The following ADAM18 variants were observed in gnomAD, a reference collection of about 807,000 sequenced individuals.
ADAM18 encodes the protein disintegrin and metalloproteinase domain-containing protein 18.
ADAM18 carries 117 observed loss-of-function variants against 94.4 expected under a neutral mutation model. The observed-to-expected ratio is 1.24, with a 90% CI of 1.07 to 1.45. ADAM18 has a LOEUF of 1.45. Ranked by LOEUF, ADAM18 falls within the 40% of genes most tolerant of loss-of-function variation. The pLI, the probability that ADAM18 is intolerant of heterozygous loss-of-function variation, is 0.00. For synonymous variants in ADAM18, 327 were observed against 291.6 expected (o/e 1.12, Z -1.24); for missense variants, 936 against 880.0 (o/e 1.06, Z -0.81).
At chr8:39,721,513 A>G (rs1242978468) in intron 18 of ADAM18, among the ~76,000 whole-genome samples, 2 of 151,624 alleles carry the variant, frequency 1.3e-5, no homozygotes, top group African/African-American at 4.8e-5. Context: ...CAAACTATAT[A>G]TCAACAAAGT....
chr8:39,595,820 G>T (rs1219946237), intron 2 of ADAM18, among the ~76,000 whole-genome samples: 1 of 152,248 alleles, frequency 6.6e-6, no homozygotes, highest in African/African-American at 2.4e-5. Context: ...CACCATGCCC[G>T]GCCTGAACTA....
chr8:39,659,728 T>C (rs1820784307), intron 12 of ADAM18, among the ~76,000 whole-genome samples: 1 of 152,022 alleles, frequency 6.6e-6, no homozygotes, highest in Non-Finnish European at 1.5e-5. Flanking sequence ...CTAAAAAGCA[T>C]ATCTAATAGC....
intron 10 of ADAM18, among the ~76,000 whole-genome samples, chr8:39,639,879 C>T (rs1297780089): frequency 3.9e-5 from 6 of 151,938 alleles, no homozygotes; most frequent in Non-Finnish European, 8.8e-5. Context: ...GGAGAATTTT[C>T]AGTCTGGTTT....
chr8:39,728,895 T>A (rs1390703087), intron 19 of ADAM18, among the ~76,000 whole-genome samples: 1 of 152,162 alleles, frequency 6.6e-6, no homozygotes, highest in African/African-American at 2.4e-5. Flanking sequence ...GGCAAAAAAA[T>A]TGAAATTAGG....
rs115495443 is a variant in ADAM18, at chr8:39,605,249, G to A, written c.133-1058G>A. On this transcript the variant is annotated intron_variant, in intron 2 of 19. Transcript: ENST00000265707. ...TGGAAGAGAAATGGTGGGTTTAGTA[G>A]GATAGACCTCTGTCTGCATCTGTAG... Among the ~76,000 whole-genome samples the A allele has an allele frequency of 5.2e-3, 792 of 152,246 alleles. 8 individuals are homozygous for A. Among genetic ancestry groups the A allele is most frequent in the African/African-American group, 0.018 (763 of 41,554 alleles).
intron 13 of ADAM18, among the ~76,000 whole-genome samples, chr8:39,667,478 T>C (rs139611033): frequency 4.6e-5 from 7 of 152,200 alleles, no homozygotes; most frequent in African/African-American, 1.7e-4. Context: ...CTATGTATTG[T>C]TCTAAGAACT....
chr8:39,701,902 G>A (rs1269473029), intron 17 of ADAM18, among the ~76,000 whole-genome samples: 1 of 152,128 alleles, frequency 6.6e-6, no homozygotes, highest in Non-Finnish European at 1.5e-5. Context: ...TGGGCATTTA[G>A]GTTGATTCCA....
chr8:39,601,511 C>T (rs1186726531), intron 2 of ADAM18, among the ~76,000 whole-genome samples: 1 of 151,796 alleles, frequency 6.6e-6, no homozygotes, highest in Non-Finnish European at 1.5e-5. Flanking sequence ...CGTGGTTTGC[C>T]TTCTTAGTTT....
chr8:39,679,938 C>T (rs1012566631), intron 15 of ADAM18, 99 bp from the exon 16 acceptor site: 8 of 1,136,248 alleles, frequency 7.0e-6, no homozygotes, highest in Non-Finnish European at 8.9e-6. Context: ...AGTTGTTATA[C>T]TATCAATTAA....
At chr8:39,725,973 T>C (rs898279811) in intron 19 of ADAM18, among the ~76,000 whole-genome samples, 2 of 152,118 alleles carry the variant, frequency 1.3e-5, no homozygotes, top group Non-Finnish European at 2.9e-5. Context: ...CCACCAACAT[T>C]GTACAAGAGT....
At chr8:39,679,885 G>C in intron 15 of ADAM18, 152 bp from the exon 16 acceptor site, 1 of 687,170 alleles carries the variant, frequency 1.5e-6, no homozygotes, top group South Asian at 1.9e-5. Flanking sequence ...GTTGCATTTA[G>C]TTGTTGTGCA....
intron 16 of ADAM18, among the ~76,000 whole-genome samples, chr8:39,683,397 GATA>G (rs1419576429): frequency 6.6e-6 from 1 of 152,198 alleles, no homozygotes; most frequent in Non-Finnish European, 1.5e-5. Context: ...CAGAAACTGC[GATA>G]ATATGTGTAT....
intron 17 of ADAM18, among the ~76,000 whole-genome samples, chr8:39,704,424 G>T (rs1227656068): frequency 6.6e-6 from 1 of 152,022 alleles, no homozygotes. Flanking sequence ...CAATAGATGT[G>T]ATTCATCACA....
At chr8:39,682,414 C>T (rs1263580899) in intron 16 of ADAM18, among the ~76,000 whole-genome samples, 1 of 152,140 alleles carries the variant, frequency 6.6e-6, no homozygotes, top group African/African-American at 2.4e-5. Flanking sequence ...CAAAATTCTA[C>T]TGAGAGGAGG....
chr8:39,703,672 T>C (rs1410012956), intron 17 of ADAM18, among the ~76,000 whole-genome samples: 2 of 152,126 alleles, frequency 1.3e-5, no homozygotes, highest in Admixed American at 1.3e-4. Flanking sequence ...AGCTAGTTTA[T>C]TGAGAGTTTT....
intron 2 of ADAM18, among the ~76,000 whole-genome samples, chr8:39,586,785 T>C (rs1430140452): frequency 7.2e-6 from 1 of 139,014 alleles, no homozygotes; most frequent in Non-Finnish European, 1.6e-5. Context: ...TCTATCTATC[T>C]ATCTATCTAT....
chr8:39,689,475 G>A (rs1269088066), intron 16 of ADAM18, among the ~76,000 whole-genome samples: 1 of 151,984 alleles, frequency 6.6e-6, no homozygotes, highest in Non-Finnish European at 1.5e-5. Context: ...GCTTGTTTTT[G>A]TCAGGTTTGT....
intron 2 of ADAM18, 136 bp from the exon 3 acceptor site, chr8:39,606,171 C>T: frequency 1.8e-6 from 1 of 546,670 alleles, no homozygotes; most frequent in Admixed American, 4.0e-5. Context: ...TAAATTCTTA[C>T]TATTTAGAAT....
intron 2 of ADAM18, among the ~76,000 whole-genome samples, chr8:39,601,975 A>G (rs1275085759): frequency 1.3e-5 from 2 of 152,118 alleles, no homozygotes; most frequent in East Asian, 1.9e-4. Context: ...TCAAGATTCA[A>G]CCTTGTTTTA....
Sources: allele counts gnomAD v4.1 joint callset (sites outside exome capture counted in the v4.1 genomes callset), GRCh38; gene constraint gnomAD v4.1.1; transcripts MANE v1.5; gene names NCBI Gene and HGNC (gene_info 2026-07-23, HGNC 2026-07-21).